FDCSP: variants seen among roughly 807,000 people sequenced by gnomAD.
FDCSP encodes the protein follicular dendritic cell secreted peptide.
A neutral mutation model predicts 8.9 loss-of-function variants in FDCSP; 8 were observed. That is an observed-to-expected ratio of 0.90 (90% confidence interval 0.53 to 1.63). The LOEUF is 1.63. Among genes scored for constraint, FDCSP ranks in the 40% most tolerant of loss-of-function variants. The probability of loss-of-function intolerance (pLI) is 0.00; values close to 1 mark genes in which losing one functional copy is unlikely to be tolerated. For synonymous variants in FDCSP, 34 were observed against 34.5 expected (o/e 0.98, Z 0.06); for missense variants, 101 against 103.6 (o/e 0.98, Z 0.11).
At chr4:70,228,695 T>A (rs1191523559) in intron 1 of FDCSP, among the ~76,000 whole-genome samples, 1 of 151,882 alleles carries the variant, frequency 6.6e-6, no homozygotes, top group Non-Finnish European at 1.5e-5. Flanking sequence ...ATGGATGTTG[T>A]GTTAGCAGGC....
At chr4:70,231,121 C>CT in intron 1 of FDCSP, 74 bp from the exon 2 acceptor site, 1 of 1,234,502 alleles carries the variant, frequency 8.1e-7, no homozygotes, top group Non-Finnish European at 1.1e-6. Context: ...AATTCATGGT[C>CT]TTTTAGCTGA....
intron 3 of FDCSP, 95 bp downstream of exon 3, chr4:70,233,121 T>G: frequency 9.3e-7 from 1 of 1,078,286 alleles, no homozygotes; most frequent in Non-Finnish European, 1.3e-6. Flanking sequence ...CCTCCCAAAC[T>G]GTGGAGAGAT....
rs1441959442 is a variant in FDCSP at position 70,231,384 on chromosome 4, C to T, written c.57+133C>T. 14 of 583,888 alleles carry T rather than the reference C, an allele frequency of 2.4e-5. No individual in the cohort carries two copies. In the East Asian group the frequency reaches 4.2e-4, roughly 18 times the overall value. The allele number at this position is 583,888 out of a possible 1,614,324, so 36.2% of individuals were successfully genotyped here. On this transcript the variant is annotated intron_variant, in intron 2 of 4. Transcript: ENST00000317987. The stretch of plus-strand genomic sequence containing the variant: ...GAGCTACCAAGTGCAGTGGCTTACG[C>T]CTGTATTCCCTGTAATTTGGGAGGT...
At chr4:70,227,956 C>T (rs1022347162) in intron 1 of FDCSP, among the ~76,000 whole-genome samples, 7 of 151,818 alleles carry the variant, frequency 4.6e-5, no homozygotes, top group Non-Finnish European at 5.9e-5. Context: ...TTGATGGCTG[C>T]TGAATGATCA....
At position 70,234,153 on chromosome 4, in the gene FDCSP, C is replaced by A. The variant is rs140866342; in HGVS notation, c.224C>A (p.Ser75Tyr). The change falls in exon 4 of 5, where the codon TCT (serine) becomes TAT (tyrosine). Residue 75 changes from serine (S) to tyrosine (Y), a missense_variant. Transcript: ENST00000317987. The stretch of plus-strand genomic sequence containing the variant: ...AATTTTCCTATTCCAATACCTGAAT[C>A]TGCCCCTACAACTCCCCTTCCTAGC... Reference protein sequence around the residue: ...RRNFPIPIPESAPTTPLPSEK With the variant: ...RRNFPIPIPEYAPTTPLPSEK 197 of 1,610,614 alleles carry A rather than the reference C, an allele frequency of 1.2e-4. No homozygotes were observed. In the African/African-American group the frequency reaches 2.3e-3, roughly 19 times the overall value.
At chr4:70,234,305 C>A in intron 4 of FDCSP, 90 bp downstream of exon 4, 1 of 1,041,396 alleles carries the variant, frequency 9.6e-7, no homozygotes, top group South Asian at 1.8e-5. Context: ...AACTATGTCC[C>A]TAGTTGGCCC....
intron 2 of FDCSP, 92 bp downstream of exon 2, chr4:70,231,343 C>A: frequency 9.6e-7 from 1 of 1,038,112 alleles, no homozygotes. Flanking sequence ...AAGGGTGGTC[C>A]CAAAAGATTA....
At chr4:70,232,194 G>A (rs998463798) in intron 2 of FDCSP, among the ~76,000 whole-genome samples, 1 of 151,480 alleles carries the variant, frequency 6.6e-6, no homozygotes, top group Non-Finnish European at 1.5e-5. Context: ...AATGTCCTAG[G>A]CCTTCATATA....
At chr4:70,227,601 A>G (rs962259827) in intron 1 of FDCSP, among the ~76,000 whole-genome samples, 1 of 120,714 alleles carries the variant, frequency 8.3e-6, no homozygotes. Context: ...TTTGTAATGT[A>G]TTTACTTATA....
intron 1 of FDCSP, among the ~76,000 whole-genome samples, chr4:70,226,392 C>A (rs1229423290): frequency 6.6e-6 from 1 of 151,774 alleles, no homozygotes; most frequent in Non-Finnish European, 1.5e-5. Flanking sequence ...AAAATCACCA[C>A]CCTGCTGTAG....
chr4:70,232,899 A>G, intron 2 of FDCSP, 95 bp from the exon 3 acceptor site: 1 of 1,042,198 alleles, frequency 9.6e-7, no homozygotes, highest in Non-Finnish European at 1.4e-6. Context: ...TTATTATGAA[A>G]CAATATTAGG....
At chr4:70,233,400 C>T (rs1730120924) in intron 3 of FDCSP, among the ~76,000 whole-genome samples, 1 of 151,644 alleles carries the variant, frequency 6.6e-6, no homozygotes, top group Non-Finnish European at 1.5e-5. Flanking sequence ...TGTGGGCCAG[C>T]TTTGATGATC....
At chr4:70,232,550 G>A (rs1730102953) in intron 2 of FDCSP, among the ~76,000 whole-genome samples, 1 of 151,506 alleles carries the variant, frequency 6.6e-6, no homozygotes, top group Non-Finnish European at 1.5e-5. Flanking sequence ...TGAAATCGCT[G>A]AACTACCCAT....
intron 1 of FDCSP, among the ~76,000 whole-genome samples, chr4:70,229,416 G>A (rs1226334990): frequency 6.6e-6 from 1 of 151,780 alleles, no homozygotes; most frequent in Non-Finnish European, 1.5e-5. Context: ...CATTGTAGTA[G>A]CACTTTTAAT....
chr4:70,230,924 A>C (rs1730069230), intron 1 of FDCSP, among the ~76,000 whole-genome samples: 1 of 151,724 alleles, frequency 6.6e-6, no homozygotes, highest in South Asian at 2.1e-4. Context: ...AGTATTCTTA[A>C]ATAATATGTT....
intron 3 of FDCSP, among the ~76,000 whole-genome samples, chr4:70,233,792 C>A (rs1730127452): frequency 6.6e-6 from 1 of 150,996 alleles, no homozygotes. Context: ...GCCAGAAAAA[C>A]TTGCCTTTAA....
intron 2 of FDCSP, 78 bp from the exon 3 acceptor site, chr4:70,232,916 A>C: frequency 8.8e-7 from 1 of 1,135,702 alleles, no homozygotes; most frequent in Non-Finnish European, 1.3e-6. Flanking sequence ...TAGGTAATAG[A>C]TTGTCATGCA....
At chr4:70,233,908 C>A in intron 3 of FDCSP, 112 bp from the exon 4 acceptor site, 1 of 940,630 alleles carries the variant, frequency 1.1e-6, no homozygotes, top group Non-Finnish European at 1.6e-6. Flanking sequence ...GATTTTAGAG[C>A]TTCTAAAGCC....
At chr4:70,232,690 C>G (rs1730106449) in intron 2 of FDCSP, among the ~76,000 whole-genome samples, 1 of 151,558 alleles carries the variant, frequency 6.6e-6, no homozygotes, top group African/African-American at 2.4e-5. Context: ...ACGCTGTATT[C>G]TGTAAGAATA....
Sources: gnomAD v4.1 joint callset for allele counts (sites outside exome capture counted in the v4.1 genomes callset) on GRCh38, gnomAD v4.1.1 for gene constraint, MANE v1.5 for transcripts, NCBI Gene and HGNC (gene_info 2026-07-23, HGNC 2026-07-21) for gene names.